EFL1: variants seen among roughly 807,000 people sequenced by gnomAD.
EFL1 encodes elongation factor like GTPase 1.
A neutral mutation model predicts 126.7 loss-of-function variants in EFL1; 76 were observed. The observed-to-expected ratio is 0.60, with a 90% CI of 0.50 to 0.73. The LOEUF (loss-of-function observed/expected upper bound fraction) is 0.73. Among genes scored for constraint, EFL1 ranks in the 30% least tolerant of loss-of-function variants. EFL1 has a pLI of 0.00. For missense variants in EFL1, 1,128 were observed against 1,343.2 expected (o/e 0.84, Z 2.50); for synonymous variants, 410 against 448.4 (o/e 0.91, Z 1.08).
At chr15:82,173,881 T>C (rs1230434554) in intron 15 of EFL1, among the ~76,000 whole-genome samples, 1 of 152,048 alleles carries the variant, frequency 6.6e-6, no homozygotes, top group East Asian at 1.9e-4. Context: ...TAAAACAATC[T>C]TTTTTTCTTT....
At chr15:82,181,384 A>G (rs138321986) in intron 15 of EFL1, among the ~76,000 whole-genome samples, 26 of 152,296 alleles carry the variant, frequency 1.7e-4, no homozygotes, top group African/African-American at 5.8e-4. Context: ...GGACAGAAAA[A>G]TATCTGTTAC....
At chr15:82,176,190 T>C (rs2074193810) in intron 15 of EFL1, among the ~76,000 whole-genome samples, 1 of 152,058 alleles carries the variant, frequency 6.6e-6, no homozygotes, top group South Asian at 2.1e-4. Context: ...AAAACCAATG[T>C]CAGACGGATT....
intron 18 of EFL1, among the ~76,000 whole-genome samples, chr15:82,139,334 T>C (rs1337328940): frequency 6.6e-6 from 1 of 152,190 alleles, no homozygotes; most frequent in Non-Finnish European, 1.5e-5. Context: ...ACATATATAT[T>C]TGTTCATAGT....
intron 19 of EFL1, among the ~76,000 whole-genome samples, chr15:82,131,413 T>C (rs942822440): frequency 6.6e-6 from 1 of 152,168 alleles, no homozygotes; most frequent in Non-Finnish European, 1.5e-5. Context: ...TCCCTTGACC[T>C]CCCAAGCAGC....
chr15:82,143,221 G>A (rs2073807932), intron 18 of EFL1, among the ~76,000 whole-genome samples: 1 of 151,978 alleles, frequency 6.6e-6, no homozygotes, highest in Non-Finnish European at 1.5e-5. Flanking sequence ...TACACGCAGA[G>A]GTTAAAATGA....
intron 15 of EFL1, 125 bp downstream of exon 15, chr15:82,214,592 C>G: frequency 1.5e-6 from 2 of 1,294,856 alleles, no homozygotes; most frequent in Non-Finnish European, 2.1e-6. Flanking sequence ...TTAAAGATAC[C>G]AGAAAAAAAA....
At chr15:82,198,201 A>C (rs2074428210) in intron 15 of EFL1, among the ~76,000 whole-genome samples, 1 of 152,138 alleles carries the variant, frequency 6.6e-6, no homozygotes, top group Non-Finnish European at 1.5e-5. Flanking sequence ...CCTTGTGTTC[A>C]TCTCAGTGCA....
intron 18 of EFL1, among the ~76,000 whole-genome samples, chr15:82,146,009 G>C (rs2073841994): frequency 6.6e-6 from 1 of 151,446 alleles, no homozygotes; most frequent in South Asian, 2.1e-4. Flanking sequence ...ATGACAAGCA[G>C]GTAAAACCTC....
chr15:82,256,714 T>C (rs974974127), intron 3 of EFL1, among the ~76,000 whole-genome samples: 1 of 152,216 alleles, frequency 6.6e-6, no homozygotes, highest in Non-Finnish European at 1.5e-5. Flanking sequence ...TGAATTTTAC[T>C]ACATGTCTTT....
At chr15:82,204,385 T>TA (rs1491528219) in intron 15 of EFL1, among the ~76,000 whole-genome samples, 29 of 130,508 alleles carry the variant, frequency 2.2e-4, no homozygotes, top group Middle Eastern at 3.9e-3. Context: ...CTTTTGGAAA[T>TA]CAAAAAAAAA....
At chr15:82,225,407 T>A (rs2651719) in intron 11 of EFL1, 143 bp from the exon 12 acceptor site, 2 of 587,392 alleles carry the variant, frequency 3.4e-6, no homozygotes, top group Non-Finnish European at 5.6e-6. Context: ...TTTCCAACTA[T>A]GATAAAAATT....
In EFL1 at chr15:82,138,660, C is replaced by A; in HGVS notation, c.3172G>T (p.Glu1058Ter). 6.2e-7 allele frequency: 1 copy of A among 1,613,268 alleles called. No individual in the cohort carries two copies. Among genetic ancestry groups the A allele is most frequent in the Non-Finnish European group, 8.5e-7 (1 of 1,179,566 alleles). The part of the protein sequence containing the change: ...ASPQLVFSHW[E>*]IIPSDPFWVP... ...TGAATGGGAACTTGGATTTTTACCT[C>A]CCAATGGCTGAATACTAGTTGTGGG... Residue 1058 changes from glutamate (E) to a stop codon, truncating the protein, a stop_gained and splice_region_variant, in exon 19 of 20, where the codon GAG becomes TAG. Transcript: ENST00000268206. LOFTEE classifies it high-confidence loss of function.
intron 11 of EFL1, among the ~76,000 whole-genome samples, chr15:82,225,959 A>G (rs1457100494): frequency 6.6e-6 from 1 of 152,214 alleles, no homozygotes; most frequent in African/African-American, 2.4e-5. Flanking sequence ...ACAGTAAAAT[A>G]CAAACAAGAA....
intron 15 of EFL1, among the ~76,000 whole-genome samples, chr15:82,182,284 T>C (rs1047477320): frequency 9.9e-5 from 15 of 152,064 alleles, no homozygotes; most frequent in African/African-American, 2.7e-4. Flanking sequence ...AACCAACCAA[T>C]TGCACAAACA....
intron 19 of EFL1, among the ~76,000 whole-genome samples, chr15:82,136,857 C>T (rs980281610): frequency 4.6e-5 from 7 of 152,054 alleles, no homozygotes; most frequent in African/African-American, 1.7e-4. Flanking sequence ...CAGATATAAG[C>T]CAGCAAAGCC....
intron 3 of EFL1, among the ~76,000 whole-genome samples, chr15:82,257,047 A>G (rs564345249): frequency 1.3e-5 from 2 of 152,320 alleles, no homozygotes; most frequent in East Asian, 3.9e-4. Flanking sequence ...TAGGACTGAA[A>G]TTATTCTTTG....
intron 18 of EFL1, among the ~76,000 whole-genome samples, chr15:82,139,195 C>T (rs1408339195): frequency 6.6e-6 from 1 of 152,142 alleles, no homozygotes; most frequent in Non-Finnish European, 1.5e-5. Context: ...GACTGGGCTT[C>T]ATAAATATTA....
chr15:82,148,197 G>T (rs1317343186), intron 18 of EFL1, among the ~76,000 whole-genome samples: 1 of 151,958 alleles, frequency 6.6e-6, no homozygotes, highest in Non-Finnish European at 1.5e-5. Context: ...GGCCAACATA[G>T]TGAAATGCCG....
chr15:82,201,216 T>C lies in EFL1; in HGVS notation c.1750+13501A>G, dbSNP rs529055870. Among the ~76,000 whole-genome samples the C allele has an allele frequency of 5.9e-5, 9 of 152,202 alleles. No individual in the cohort carries two copies. The South Asian group carries it at 8.3e-4, about 14-fold the overall frequency. On this transcript the variant is annotated intron_variant, in intron 15 of 19. Coordinates refer to ENST00000268206, the MANE Select transcript of EFL1 (RefSeq NM_024580.6). ...GATTCATGCATTCAACCAATATACA[T>C]TGAACACTCAAGAGATCTTCACCAG... is the stretch of plus-strand genomic sequence containing the variant.
Sources: allele counts gnomAD v4.1 joint callset (sites outside exome capture counted in the v4.1 genomes callset), GRCh38; gene constraint gnomAD v4.1.1; transcripts MANE v1.5; gene names NCBI Gene and HGNC (gene_info 2026-07-23, HGNC 2026-07-21).